The following CCNYL1 variants were observed in gnomAD, a reference collection of about 807,000 sequenced individuals.
CCNYL1 encodes the protein cyclin Y like 1.
Under a neutral mutation model 44.2 loss-of-function variants are expected in CCNYL1, and 16 were observed. That is an observed-to-expected ratio of 0.36 (90% CI 0.25 to 0.55). The LOEUF (loss-of-function observed/expected upper bound fraction) is 0.55, where lower values mean the gene tolerates loss of function less well. CCNYL1 is among the 20% of genes least tolerant of loss of function. The pLI is 0.85. For missense variants in CCNYL1, 348 were observed against 451.8 expected, an observed-to-expected ratio of 0.77 and a Z score of 2.08; for synonymous variants, 159 against 163.2, an observed-to-expected ratio of 0.97 and a Z score of 0.20.
At position 207,737,443 on chromosome 2, in the gene CCNYL1, A is replaced by G; in HGVS notation, c.464A>G (p.Asn155Ser). ...VTLAIYYHIK[N>S]RDANRSLDIF... ...TTAGCAATATATTACCACATAAAGA[A>G]CAGGTGAGCTCCTTTAAAACCTGTC... The change falls in exon 5 of 10, where the codon AAC becomes AGC. Residue 155 changes from asparagine to serine, a missense_variant. Physicochemically the swap from Asn to Ser is conservative, Grantham distance 46. This residue lies in a region of CCNYL1 where 209 missense variants were observed against 247.7 expected (regional missense o/e 0.84). Coordinates refer to ENST00000295414, the MANE Select transcript of CCNYL1 (RefSeq NM_001330218.2). The G allele has an allele frequency of 1.2e-6, 2 of 1,610,508 alleles. No homozygotes were observed. Among genetic ancestry groups the G allele is most frequent in the Non-Finnish European group, 1.7e-6 (2 of 1,177,806 alleles).
In CCNYL1 at chr2:207,742,230, A is replaced by G; in HGVS notation, c.527A>G (p.Lys176Arg). Residue 176 changes from lysine to arginine, a missense_variant, in exon 7 of 10, where the codon AAA becomes AGA. Lys to Arg is a conservative substitution (Grantham distance 26). Transcript: ENST00000295414. Reference protein sequence around the residue: ...DERSHPLTREKVPEEYFKHDP... With the variant: ...DERSHPLTRERVPEEYFKHDP... ...CATCTTTTCTTCTTTCAGCGAGAAA[A>G]AGTTCCAGAGGAATACTTTAAGCAT... The G allele has an allele frequency of 6.2e-7, 1 of 1,601,314 alleles. No homozygotes were observed. Among genetic ancestry groups the G allele is most frequent in the South Asian group, 1.1e-5 (1 of 88,982 alleles).
At chr2:207,745,166 G>A (rs2091845355) in intron 7 of CCNYL1, among the ~76,000 whole-genome samples, 1 of 152,172 alleles carries the variant, frequency 6.6e-6, no homozygotes, top group Non-Finnish European at 1.5e-5. Flanking sequence ...TTGAGCAAAT[G>A]AGAGGACACA....
rs773382893 is a variant in CCNYL1, at chr2:207,753,579, C to T, written c.970-9C>T. The T allele has an allele frequency of 7.0e-6, 11 of 1,581,158 alleles. No homozygotes were observed. Among genetic ancestry groups the T allele is most frequent in the Non-Finnish European group, 8.7e-6 (10 of 1,154,544 alleles). ...TTGTACCTGTTTTCTATTTGATTGA[C>T]TTTCCTAGGCTATTTCTAGATTGTG... On this transcript the variant is annotated splice_polypyrimidine_tract_variant and intron_variant, in intron 9 of 9. Transcript: ENST00000295414.
At chr2:207,714,566 A>G (rs2091578518) in intron 1 of CCNYL1, 1 of 263,536 alleles carries the variant, frequency 3.8e-6, no homozygotes, top group South Asian at 3.6e-5. Flanking sequence ...AATTTTAAAG[A>G]GTTTGTTCTG....
chr2:207,721,911 T>C (rs62189189), intron 1 of CCNYL1, among the ~76,000 whole-genome samples: 1,640 of 152,160 alleles, frequency 0.011, 18 homozygotes, highest in Middle Eastern at 0.041. Context: ...GCCTTTCTCC[T>C]TTGGTTCTTG....
At chr2:207,737,494 A>T in intron 5 of CCNYL1, 48 bp downstream of exon 5, 1 of 1,484,048 alleles carries the variant, frequency 6.7e-7, no homozygotes, top group Non-Finnish European at 9.4e-7. Context: ...ATTACTTTGC[A>T]TGATATCAAG....
chr2:207,712,197 C>T, intron 1 of CCNYL1, 81 bp downstream of exon 1: 1 of 1,201,844 alleles, frequency 8.3e-7, no homozygotes. Context: ...GAGGCATCCG[C>T]CGCCTCGGGC....
At chr2:207,730,718 A>G (rs1310628666) in intron 3 of CCNYL1, among the ~76,000 whole-genome samples, 1 of 152,196 alleles carries the variant, frequency 6.6e-6, no homozygotes, top group Non-Finnish European at 1.5e-5. Flanking sequence ...AGATTGCACC[A>G]CTGCACTCCA....
At chr2:207,740,597 T>G in intron 5 of CCNYL1, 58 bp from the exon 6 acceptor site, 1 of 1,180,588 alleles carries the variant, frequency 8.5e-7, no homozygotes, top group Non-Finnish European at 1.3e-6. Context: ...GCAGACATTT[T>G]ACTCAGATAT....
chr2:207,724,197 T>C (rs891111055), intron 1 of CCNYL1, among the ~76,000 whole-genome samples: 7 of 152,332 alleles, frequency 4.6e-5, no homozygotes, highest in Middle Eastern at 3.4e-3. Context: ...GTTAATCATT[T>C]TCTAACATGT....
At chr2:207,734,552 G>C (rs2091751024) in intron 4 of CCNYL1, among the ~76,000 whole-genome samples, 1 of 151,140 alleles carries the variant, frequency 6.6e-6, no homozygotes, top group African/African-American at 2.4e-5. Flanking sequence ...AACACCCTAA[G>C]ATGAACTTTT....
intron 6 of CCNYL1, 45 bp downstream of exon 6, chr2:207,740,751 T>A (rs1333848362): frequency 8.3e-7 from 1 of 1,201,730 alleles, no homozygotes; most frequent in Non-Finnish European, 1.2e-6. Context: ...CTCATAGAGT[T>A]GTGTTTATTT....
intron 1 of CCNYL1, among the ~76,000 whole-genome samples, chr2:207,720,972 T>C (rs2091636132): frequency 6.9e-6 from 1 of 144,224 alleles, no homozygotes; most frequent in Non-Finnish European, 1.5e-5. Flanking sequence ...AGACTGGAGC[T>C]TGGCTGGTAC....
Position 207,754,581 on chromosome 2 carries a change from A to G in CCNYL1, c.*883A>G, listed in dbSNP as rs1265023292. On this transcript the variant is annotated 3_prime_UTR_variant, in exon 10 of 10. Transcript: ENST00000295414. ...GCACTGCAGCATGAGTATAAATGCT[A>G]TAAACCTTTAAAAAACATGATTTGA... 3 of 152,506 alleles carry G rather than the reference A, an allele frequency of 2.0e-5. No homozygotes were observed. The highest frequency in any genetic ancestry group is 2.1e-4 in the South Asian group (1 of 4,832). 9.4% of individuals were successfully genotyped at this position (152,506 alleles called of 1,614,324 possible).
chr2:207,715,093 C>G (rs775227990), intron 1 of CCNYL1, among the ~76,000 whole-genome samples: 18 of 152,028 alleles, frequency 1.2e-4, no homozygotes, highest in Non-Finnish European at 2.5e-4. Context: ...CATGGTGAAA[C>G]CCCGTCTCTA....
At chr2:207,732,541 A>G (rs1354460415) in intron 3 of CCNYL1, among the ~76,000 whole-genome samples, 1 of 152,176 alleles carries the variant, frequency 6.6e-6, no homozygotes, top group Non-Finnish European at 1.5e-5. Context: ...AGAGTGTGAC[A>G]ACATGGTAAA....
Position 207,711,929 on chromosome 2 carries a change from C to A in CCNYL1, c.33C>A (p.Pro11=), listed in dbSNP as rs1192043096. The part of the protein sequence containing the change: MGNTLTCCVS[P]NASPKLGRRA... ...ACACGCTGACCTGTTGCGTGTCCCC[C>A]AATGCCAGCCCCAAGCTGGGCCGGC... Residue 11 remains proline, a synonymous_variant, in exon 1 of 10, where the codon CCC becomes CCA. Coordinates refer to ENST00000295414, the MANE Select transcript of CCNYL1 (RefSeq NM_001330218.2). The A allele has an allele frequency of 7.2e-7, 1 of 1,398,126 alleles. No homozygotes were observed. Among genetic ancestry groups the A allele is most frequent in the Admixed American group, 3.4e-5 (1 of 29,106 alleles). 86.6% of individuals were successfully genotyped at this position (1,398,126 alleles called of 1,614,324 possible).
At chr2:207,717,449 A>G (rs1392973476) in intron 1 of CCNYL1, among the ~76,000 whole-genome samples, 1 of 152,168 alleles carries the variant, frequency 6.6e-6, no homozygotes, top group Non-Finnish European at 1.5e-5. Context: ...ACAAGACAGA[A>G]CCTCATCCTA....
chr2:207,722,036 C>G (rs986438472), intron 1 of CCNYL1, among the ~76,000 whole-genome samples: 3 of 148,852 alleles, frequency 2.0e-5, no homozygotes, highest in Non-Finnish European at 4.5e-5. Context: ...GCTTTTTTCT[C>G]TATATCTTAT....
Sources: allele counts gnomAD v4.1 joint callset (sites outside exome capture counted in the v4.1 genomes callset), GRCh38; gene constraint gnomAD v4.1.1; regional missense constraint gnomAD v4.1.1; transcripts MANE v1.5; gene names NCBI Gene and HGNC (gene_info 2026-07-23, HGNC 2026-07-21).